Variants in DCAF6 observed in about 807,000 individuals in gnomAD.
DCAF6 encodes DDB1 and CUL4 associated factor 6.
A neutral mutation model predicts 125.1 loss-of-function variants in DCAF6; 54 were observed. The ratio of observed to expected loss-of-function variants is 0.43; its 90% confidence interval spans 0.35 to 0.54. The LOEUF (loss-of-function observed/expected upper bound fraction) is 0.54, where lower values mean the gene tolerates loss of function less well. DCAF6 is among the 20% of genes least tolerant of loss of function. The probability of loss-of-function intolerance (pLI) is 0.01; values close to 1 mark genes in which losing one functional copy is unlikely to be tolerated. For synonymous variants in DCAF6, 371 were observed against 390.4 expected, an observed-to-expected ratio of 0.95 and a Z score of 0.58; for missense variants, 934 against 1,161.7, an observed-to-expected ratio of 0.80 and a Z score of 2.85.
the DCAF6 span, among the ~76,000 whole-genome samples, chr1:167,897,214 A>G: frequency 1.3e-5 from 2 of 151,494 alleles, no homozygotes; most frequent in African/African-American, 2.4e-5. Flanking sequence ...CAATAAAGAG[A>G]AAACATCAGG....
At chr1:167,863,694 G>A in the DCAF6 span, among the ~76,000 whole-genome samples, 11 of 152,206 alleles carry the variant, frequency 7.2e-5, no homozygotes, top group African/African-American at 2.2e-4. Flanking sequence ...AGAGTGACGC[G>A]GATCCTGAGA....
the DCAF6 span, chr1:167,901,989 C>T: frequency 3.1e-6 from 5 of 1,613,590 alleles, no homozygotes; most frequent in East Asian, 2.2e-5. Context: ...CCTTTCTTAC[C>T]CCTTCTATCT....
intron 3 of DCAF6, among the ~76,000 whole-genome samples, chr1:167,970,644 CATA>C (rs961926124): frequency 6.6e-6 from 1 of 152,056 alleles, no homozygotes; most frequent in East Asian, 1.9e-4. Context: ...AAATTATTAT[CATA>C]AGCCTTTATA....
intron 4 of DCAF6, among the ~76,000 whole-genome samples, chr1:167,985,966 A>G (rs928848701): frequency 2.0e-5 from 3 of 152,184 alleles, no homozygotes; most frequent in African/African-American, 7.2e-5. Flanking sequence ...AATGGGAATC[A>G]TACTGTGCCT....
At chr1:167,923,335 TA>T in the DCAF6 span, among the ~76,000 whole-genome samples, 1 of 152,098 alleles carries the variant, frequency 6.6e-6, no homozygotes, top group Non-Finnish European at 1.5e-5. Context: ...CAAAATGTGG[TA>T]AATACATACA....
the DCAF6 span, chr1:167,883,386 A>C: frequency 6.3e-7 from 1 of 1,591,538 alleles, no homozygotes; most frequent in Non-Finnish European, 8.6e-7. Context: ...CTTGTCCATG[A>C]ATGCTAACCT....
intron 1 of DCAF6, among the ~76,000 whole-genome samples, chr1:167,941,584 T>G (rs555417902): frequency 6.6e-6 from 1 of 152,184 alleles, no homozygotes; most frequent in Non-Finnish European, 1.5e-5. Flanking sequence ...TTTCATATTG[T>G]TACAACTGTT....
intron 21 of DCAF6, among the ~76,000 whole-genome samples, chr1:168,073,973 A>ATATT (rs1693476624): frequency 6.7e-6 from 1 of 148,446 alleles, no homozygotes; most frequent in African/African-American, 2.5e-5. Context: ...TATTGAATAC[A>ATATT]TATTTATAAA....
chr1:167,939,570 T>C (rs1363154615), intron 1 of DCAF6, among the ~76,000 whole-genome samples: 1 of 152,212 alleles, frequency 6.6e-6, no homozygotes, highest in Non-Finnish European at 1.5e-5. Flanking sequence ...GAGACCGGCC[T>C]GGCCAACATG....
intron 12 of DCAF6, among the ~76,000 whole-genome samples, 168 bp from the exon 13 acceptor site, chr1:168,038,203 A>T (rs1478445929): frequency 6.6e-6 from 1 of 152,124 alleles, no homozygotes; most frequent in Non-Finnish European, 1.5e-5. Flanking sequence ...TGAAATATAA[A>T]AGAGTATTTC....
upstream of DCAF6, among the ~76,000 whole-genome samples, chr1:167,933,075 G>C (rs1454669667): frequency 6.6e-6 from 1 of 151,944 alleles, no homozygotes; most frequent in Non-Finnish European, 1.5e-5. Flanking sequence ...AAAACACATA[G>C]GCAAATGGAT....
At chr1:167,947,402 C>T (rs1673239817) in intron 1 of DCAF6, among the ~76,000 whole-genome samples, 1 of 149,290 alleles carries the variant, frequency 6.7e-6, no homozygotes, top group African/African-American at 2.5e-5. Context: ...TTCTTTTCTT[C>T]TGCTAGTTTT....
chr1:168,049,756 C>T (rs1427175009), intron 16 of DCAF6, among the ~76,000 whole-genome samples: 6 of 143,144 alleles, frequency 4.2e-5, no homozygotes, highest in African/African-American at 1.3e-4. Flanking sequence ...CCCAGGTTCA[C>T]GCCATTCTCC....
chr1:168,014,909 G>A (rs1435362628), intron 10 of DCAF6, among the ~76,000 whole-genome samples: 1 of 152,054 alleles, frequency 6.6e-6, no homozygotes, highest in Non-Finnish European at 1.5e-5. Context: ...CCCTTGCCCT[G>A]TCATCATTAT....
chr1:167,935,265 G>A (rs1023602271), upstream of DCAF6, among the ~76,000 whole-genome samples: 21 of 152,186 alleles, frequency 1.4e-4, no homozygotes, highest in African/African-American at 5.1e-4. Context: ...GTTTGGGGGA[G>A]GGCTCAGTCT....
At chr1:168,009,401 TTC>T (rs150718654) in intron 10 of DCAF6, among the ~76,000 whole-genome samples, 6,085 of 143,154 alleles carry the variant, frequency 0.043, 471 homozygotes, top group African/African-American at 0.15. Flanking sequence ...CTTTCTTTCT[TTC>T]TCTCTCTCTC....
intron 6 of DCAF6, 116 bp from the exon 7 acceptor site, chr1:167,993,110 G>A: frequency 1.1e-6 from 1 of 899,316 alleles, no homozygotes; most frequent in Non-Finnish European, 1.6e-6. Context: ...TAAACGTGAT[G>A]GCTTTTATTT....
At chr1:167,895,319 C>CTT in the DCAF6 span, among the ~76,000 whole-genome samples, 2 of 152,078 alleles carry the variant, frequency 1.3e-5, no homozygotes, top group South Asian at 2.1e-4. Context: ...TGTCATGAGG[C>CTT]TTTCTCCTTC....
intron 2 of DCAF6, among the ~76,000 whole-genome samples, chr1:167,965,737 CTGTCGGG>C (rs1256708641): frequency 2.0e-5 from 3 of 152,050 alleles, no homozygotes; most frequent in Non-Finnish European, 4.4e-5. Flanking sequence ...AGCAGTTCTC[CTGTCGGG>C]AGGCTGAGGC....
Sources: allele counts gnomAD v4.1 joint callset (sites outside exome capture counted in the v4.1 genomes callset), GRCh38; gene constraint gnomAD v4.1.1; transcripts MANE v1.5; gene names NCBI Gene and HGNC (gene_info 2026-07-23, HGNC 2026-07-21).